NDE1: variants seen among roughly 807,000 people sequenced by gnomAD.
NDE1 encodes nuclear distribution protein nudE homolog 1.
Under a neutral mutation model 43.4 loss-of-function variants are expected in NDE1, and 28 were observed. That is an observed-to-expected ratio of 0.65 (90% confidence interval 0.48 to 0.89). NDE1 has a LOEUF of 0.89. Ranked by LOEUF, NDE1 falls within the 40% of genes least tolerant of loss-of-function variation. The probability of loss-of-function intolerance (pLI) is 0.00; values close to 1 mark genes in which losing one functional copy is unlikely to be tolerated. For missense variants in NDE1, 441 were observed against 434.1 expected (o/e 1.02, Z -0.14); for synonymous variants, 184 against 172.0 (o/e 1.07, Z -0.55).
chr16:15,650,160 C>T (rs1376120665), upstream of NDE1: 1 of 163,632 alleles, frequency 6.1e-6, no homozygotes, highest in East Asian at 1.8e-4. Context: ...GACGCGGTAC[C>T]GTAGAGCAGC....
intron 1 of NDE1, among the ~76,000 whole-genome samples, chr16:15,657,113 T>C (rs1229561673): frequency 3.3e-5 from 5 of 152,132 alleles, no homozygotes; most frequent in Non-Finnish European, 5.9e-5. Flanking sequence ...TTTTTTTTTT[T>C]TGAGGCAGAG....
Position 15,690,234 on chromosome 16 carries a change from C to T in NDE1, c.524-910C>T, listed in dbSNP as rs574645169. Among the ~76,000 whole-genome samples, 94 of 149,560 alleles carry T rather than the reference C, an allele frequency of 6.3e-4. 3 individuals carry two copies. In the Middle Eastern group the frequency reaches 0.031, roughly 50 times the overall value. ...TAATTTTTTGTATTTTTAATAGAGA[C>T]GGGGTTTTGCCATGTTGGCCTGAAA... is the stretch of plus-strand genomic sequence containing the variant. On this transcript the variant is annotated intron_variant, in intron 5 of 8. Coordinates refer to ENST00000396354, the MANE Select transcript of NDE1 (RefSeq NM_017668.3).
At chr16:15,723,210 CA>C (rs1236543487) in intron 8 of NDE1, among the ~76,000 whole-genome samples, 1 of 151,986 alleles carries the variant, frequency 6.6e-6, no homozygotes, top group African/African-American at 2.4e-5. Context: ...AGTTTTACCC[CA>C]AAAGAAGCAA....
At chr16:15,657,636 G>A (rs920768384) in intron 1 of NDE1, among the ~76,000 whole-genome samples, 23 of 151,964 alleles carry the variant, frequency 1.5e-4, no homozygotes, top group African/African-American at 5.6e-4. Flanking sequence ...CTGTCGCCCA[G>A]GCTGGGAGGC....
At chr16:15,650,494 C>G (rs979613068) in intron 1 of NDE1, among the ~76,000 whole-genome samples, 200 bp downstream of exon 1, 1 of 152,258 alleles carries the variant, frequency 6.6e-6, no homozygotes, top group Non-Finnish European at 1.5e-5. Context: ...TCCCGCCTCC[C>G]TGGAGCCTCC....
chr16:15,692,655 C>G (rs189741415), intron 6 of NDE1, among the ~76,000 whole-genome samples: 1 of 152,226 alleles, frequency 6.6e-6, no homozygotes, highest in East Asian at 1.9e-4. Context: ...GGTGATCTGC[C>G]TGCCTCAGCC....
At position 15,691,247 on chromosome 16, in the gene NDE1, G is replaced by A. The variant is rs768268553; in HGVS notation, c.627G>A (p.Thr209=). 80 of 1,614,052 alleles carry A rather than the reference G, an allele frequency of 5.0e-5. No homozygotes were observed. Among genetic ancestry groups the A allele is most frequent in the Admixed American group, 2.2e-4 (13 of 59,990 alleles). The change falls in exon 6 of 9, where the codon ACG becomes ACA. Residue 209 remains threonine, a synonymous_variant. Transcript: ENST00000396354. ...GGACAGACACAGCTGTGCAGGCCACGGGCTCCGTGCCGTCCACGCCCATTG... is the reference window on the plus strand; with the variant it reads ...GGACAGACACAGCTGTGCAGGCCACAGGCTCCGTGCCGTCCACGCCCATTG... ...AERTDTAVQA[T]GSVPSTPIAH...
chr16:15,643,408 T>C (rs1237138149), exon 1 of NDE1: 1 of 478,204 alleles, frequency 2.1e-6, no homozygotes, highest in South Asian at 1.5e-5. Context: ...CCCCCTGGCT[T>C]CACGTTGTGG....
At chr16:15,686,076 C>T (rs994421027) in intron 4 of NDE1, among the ~76,000 whole-genome samples, 3 of 151,900 alleles carry the variant, frequency 2.0e-5, no homozygotes, top group Admixed American at 6.6e-5. Context: ...CTCACCCTCC[C>T]GAGCAGCTGG....
chr16:15,647,466 T>C (rs1218648086), upstream of NDE1, among the ~76,000 whole-genome samples: 1 of 152,134 alleles, frequency 6.6e-6, no homozygotes, highest in Non-Finnish European at 1.5e-5. Context: ...TACAATTTAA[T>C]GCTTTCCTGT....
intron 3 of NDE1, among the ~76,000 whole-genome samples, chr16:15,672,487 G>T (rs1485770428): frequency 1.3e-5 from 2 of 152,148 alleles, no homozygotes; most frequent in Non-Finnish European, 1.5e-5. Context: ...CCTGCCACCA[G>T]CAAGTATTTG....
At chr16:15,680,659 C>A (rs909782616) in intron 4 of NDE1, among the ~76,000 whole-genome samples, 34 of 152,108 alleles carry the variant, frequency 2.2e-4, no homozygotes, top group African/African-American at 8.2e-4. Flanking sequence ...CCTGCCTCAG[C>A]CTCCCAAGTA....
chr16:15,716,805 C>T (rs559309236), intron 8 of NDE1, among the ~76,000 whole-genome samples: 57 of 152,302 alleles, frequency 3.7e-4, no homozygotes, highest in African/African-American at 1.3e-3. Flanking sequence ...TGAGCCACCA[C>T]GTCCAGCCTG....
intron 3 of NDE1, among the ~76,000 whole-genome samples, chr16:15,671,813 C>G (rs867261797): frequency 3.9e-5 from 6 of 152,086 alleles, no homozygotes; most frequent in Non-Finnish European, 1.5e-5. Flanking sequence ...ACCTCAGCCT[C>G]CCAAGTAGCT....
intron 7 of NDE1, chr16:15,694,609 A>G: frequency 1.0e-6 from 1 of 984,582 alleles, no homozygotes; most frequent in Non-Finnish European, 1.2e-6. Context: ...TGGCCTCCCA[A>G]AGTTCTGGGA....
chr16:15,684,375 C>G (rs1729929363), intron 4 of NDE1: 1 of 152,084 alleles, frequency 6.6e-6, no homozygotes, highest in African/African-American at 2.4e-5. Flanking sequence ...GGTGCATCAC[C>G]TGAAGTCGGG....
At chr16:15,670,013 A>T (rs2037512045) in intron 3 of NDE1, among the ~76,000 whole-genome samples, 1 of 152,204 alleles carries the variant, frequency 6.6e-6, no homozygotes. Context: ...ACTGGCTCTC[A>T]GCCTTAGCTG....
chr16:15,706,219 C>A (rs143728194), intron 8 of NDE1, among the ~76,000 whole-genome samples: 6 of 152,174 alleles, frequency 3.9e-5, no homozygotes, highest in Admixed American at 1.3e-4. Flanking sequence ...TCTGGACTTG[C>A]AGCCCTACTA....
At chr16:15,668,582 A>AT (rs1045733282) in intron 3 of NDE1, among the ~76,000 whole-genome samples, 73 of 152,282 alleles carry the variant, frequency 4.8e-4, no homozygotes, top group African/African-American at 1.6e-3. Flanking sequence ...TTTTTAGGGT[A>AT]TGGAGGTGTT....
Sources: allele counts gnomAD v4.1 joint callset (sites outside exome capture counted in the v4.1 genomes callset), GRCh38; gene constraint gnomAD v4.1.1; transcripts MANE v1.5; gene names NCBI Gene and HGNC (gene_info 2026-07-23, HGNC 2026-07-21).